NRG3: variants seen among roughly 807,000 people sequenced by gnomAD.
NRG3 encodes neuregulin 3.
In NRG3, 31 loss-of-function variants were observed where a neutral mutation model predicts 66.9. The ratio of observed to expected loss-of-function variants is 0.46; its 90% confidence interval spans 0.35 to 0.63. The LOEUF (loss-of-function observed/expected upper bound fraction) is 0.63, where lower values mean the gene tolerates loss of function less well. NRG3 is among the 20% of genes least tolerant of loss of function. NRG3 has a pLI of 0.00. For missense variants in NRG3, 910 were observed against 878.9 expected (o/e 1.04, Z -0.45); for synonymous variants, 393 against 359.4 (o/e 1.09, Z -1.06).
At chr10:82,621,693 A>G (rs1038145928) in intron 2 of NRG3, among the ~76,000 whole-genome samples, 9 of 152,206 alleles carry the variant, frequency 5.9e-5, no homozygotes, top group Non-Finnish European at 1.3e-4. Flanking sequence ...AGCTGAAGCT[A>G]CCCTTACTAA....
At chr10:82,522,615 C>G (rs924783924) in intron 2 of NRG3, among the ~76,000 whole-genome samples, 25 of 151,288 alleles carry the variant, frequency 1.7e-4, no homozygotes, top group African/African-American at 6.1e-4. Context: ...TACACGTGCT[C>G]AATACTTGGT....
At chr10:82,573,076 T>C (rs1590722015) in intron 2 of NRG3, among the ~76,000 whole-genome samples, 1 of 151,772 alleles carries the variant, frequency 6.6e-6, no homozygotes, top group South Asian at 2.1e-4. Flanking sequence ...ATAATGGCAA[T>C]GGAAGGATAT....
intron 1 of NRG3, among the ~76,000 whole-genome samples, chr10:81,941,458 T>G: frequency 6.6e-6 from 1 of 152,164 alleles, no homozygotes; most frequent in East Asian, 1.9e-4. Flanking sequence ...TGTGCATCTA[T>G]TAATTTTTGA....
chr10:82,618,946 A>G (rs1394478372), intron 2 of NRG3, among the ~76,000 whole-genome samples: 2 of 151,080 alleles, frequency 1.3e-5, no homozygotes, highest in East Asian at 3.9e-4. Flanking sequence ...TTTTTTATTT[A>G]ATTTTATTTT....
rs554107492 is a variant in NRG3 at position 82,126,119 on chromosome 10, A to G, written c.824-232620A>G. Among the ~76,000 whole-genome samples, 10 of 152,196 alleles carry G rather than the reference A, an allele frequency of 6.6e-5. No individual in the cohort carries two copies. In the East Asian group the frequency reaches 1.9e-3, roughly 29 times the overall value. On this transcript the variant is annotated intron_variant, in intron 1 of 8. Coordinates refer to ENST00000372141, the MANE Select transcript of NRG3 (RefSeq NM_001010848.4). ...CAGGAAACTGGGGTGTTGGACAGCC[A>G]GATCTTAATACTTTTCACTAGAAAG...
At chr10:82,478,649 A>G (rs1841988904) in intron 2 of NRG3, among the ~76,000 whole-genome samples, 1 of 22,788 alleles carries the variant, frequency 4.4e-5, no homozygotes, top group Non-Finnish European at 2.1e-4. Flanking sequence ...TCCCATGTCT[A>G]CTTCTTTCTA....
At chr10:82,618,826 AAAT>A (rs1225868950) in intron 2 of NRG3, among the ~76,000 whole-genome samples, 2 of 152,248 alleles carry the variant, frequency 1.3e-5, no homozygotes, top group East Asian at 3.9e-4. Flanking sequence ...GTATGATATT[AAAT>A]GATATAATGC....
chr10:82,216,742 A>G (rs1258651365), intron 1 of NRG3, among the ~76,000 whole-genome samples: 1 of 152,094 alleles, frequency 6.6e-6, no homozygotes, highest in Non-Finnish European at 1.5e-5. Context: ...ACTGAAAATA[A>G]TCATCTCTGG....
At chr10:81,942,666 A>G (rs1245661305) in intron 1 of NRG3, among the ~76,000 whole-genome samples, 2 of 152,126 alleles carry the variant, frequency 1.3e-5, no homozygotes, top group South Asian at 4.1e-4. Flanking sequence ...ATCTTTCCTC[A>G]ATTCACTGAT....
rs1036463765 is a variant in NRG3, at chr10:82,877,686, G to T, written c.1054+12249G>T. 3.3e-5 allele frequency among the ~76,000 whole-genome samples: 5 copies of T among 152,108 alleles called. No homozygotes were observed. The East Asian group carries it at 9.7e-4, about 29-fold the overall frequency. On this transcript the variant is annotated intron_variant, in intron 4 of 8. Transcript: ENST00000372141. The stretch of plus-strand genomic sequence containing the variant: ...TTACAGGCATGAGCCACAGTGCCCA[G>T]CCACATGGGACAGACTTTTAAACCA...
intron 2 of NRG3, among the ~76,000 whole-genome samples, chr10:82,619,248 A>G (rs919887631): frequency 6.6e-6 from 1 of 152,184 alleles, no homozygotes; most frequent in African/African-American, 2.4e-5. Flanking sequence ...TTCTCTAGAA[A>G]GCTTGAAATC....
chr10:82,418,438 A>G (rs2088776800), intron 2 of NRG3, among the ~76,000 whole-genome samples: 2 of 148,600 alleles, frequency 1.3e-5, no homozygotes, highest in East Asian at 1.9e-4. Flanking sequence ...GTTTATGCAA[A>G]TTAACCAGTT....
chr10:82,698,741 T>A (rs1010937192), intron 2 of NRG3, among the ~76,000 whole-genome samples: 2 of 152,088 alleles, frequency 1.3e-5, no homozygotes, highest in African/African-American at 4.8e-5. Flanking sequence ...AGAGCGGTTG[T>A]GAGGAACAAA....
chr10:82,932,191 G>A (rs1238902602), intron 4 of NRG3, among the ~76,000 whole-genome samples: 9 of 151,982 alleles, frequency 5.9e-5, no homozygotes, highest in East Asian at 3.9e-4. Flanking sequence ...TCTCTATGGC[G>A]GCTGTTTGAA....
At chr10:82,294,426 A>G (rs999046622) in intron 1 of NRG3, among the ~76,000 whole-genome samples, 2 of 145,668 alleles carry the variant, frequency 1.4e-5, no homozygotes, top group Non-Finnish European at 3.0e-5. Context: ...CACATATTCT[A>G]CTGATGAAGT....
chr10:82,253,330 C>A (rs1388947784), intron 1 of NRG3, among the ~76,000 whole-genome samples: 1 of 152,152 alleles, frequency 6.6e-6, no homozygotes, highest in Non-Finnish European at 1.5e-5. Flanking sequence ...CTACTTCAAA[C>A]CCACAAGATG....
At chr10:81,892,151 CCTT>C (rs1253006905) in intron 1 of NRG3, among the ~76,000 whole-genome samples, 2 of 151,988 alleles carry the variant, frequency 1.3e-5, no homozygotes, top group African/African-American at 2.4e-5. Context: ...AATTCCATCC[CCTT>C]CTTCTGGGAG....
At chr10:82,883,942 GTTT>G (rs545422416) in intron 4 of NRG3, among the ~76,000 whole-genome samples, 1 of 143,050 alleles carries the variant, frequency 7.0e-6, no homozygotes, top group Admixed American at 7.0e-5. Flanking sequence ...TTTTGCTATA[GTTT>G]TTTTTTTTTT....
chr10:82,004,332 T>A (rs1216243516), intron 1 of NRG3, among the ~76,000 whole-genome samples: 1 of 152,158 alleles, frequency 6.6e-6, no homozygotes, highest in Non-Finnish European at 1.5e-5. Context: ...CTAGGGAATG[T>A]TTGCATGCTG....
Sources: allele counts gnomAD v4.1 joint callset (sites outside exome capture counted in the v4.1 genomes callset), GRCh38; gene constraint gnomAD v4.1.1; transcripts MANE v1.5; gene names NCBI Gene and HGNC (gene_info 2026-07-23, HGNC 2026-07-21).